Variants in EPHA3 observed in about 807,000 individuals in gnomAD.
EPHA3 encodes the protein ephrin type-A receptor 3.
Under a neutral mutation model 107.1 loss-of-function variants are expected in EPHA3, and 42 were observed. The ratio of observed to expected loss-of-function variants is 0.39; its 90% confidence interval spans 0.31 to 0.51. The LOEUF (loss-of-function observed/expected upper bound fraction) is 0.51. Ranked by LOEUF, EPHA3 falls within the 20% of genes least tolerant of loss-of-function variation. EPHA3 has a pLI of 0.78. For synonymous variants in EPHA3, 461 were observed against 424.8 expected (o/e 1.09, Z -1.05); for missense variants, 1,183 against 1,211.2 (o/e 0.98, Z 0.35).
intron 7 of EPHA3, chr3:89,400,047 T>C: frequency 9.7e-7 from 1 of 1,033,486 alleles, no homozygotes; most frequent in Non-Finnish European, 1.2e-6. Context: ...CCAGTAACTT[T>C]TCTTTTTTTC....
intron 5 of EPHA3, among the ~76,000 whole-genome samples, chr3:89,367,782 C>G (rs1463763707): frequency 1.3e-5 from 2 of 150,624 alleles, no homozygotes; most frequent in East Asian, 1.9e-4. Flanking sequence ...TTTTTTAATT[C>G]TGCAAGACTC....
intron 5 of EPHA3, among the ~76,000 whole-genome samples, chr3:89,384,442 G>T (rs115319113): frequency 0.016 from 2,448 of 152,212 alleles, 69 homozygotes; most frequent in African/African-American, 0.055. Context: ...TTGCAAAATT[G>T]TTTTTCGCTC....
intron 5 of EPHA3, among the ~76,000 whole-genome samples, chr3:89,364,237 C>A (rs561896054): frequency 1.3e-5 from 2 of 150,780 alleles, no homozygotes; most frequent in Admixed American, 6.7e-5. Context: ...TGTTAATCAT[C>A]TTTGGGTACT....
At chr3:89,364,522 C>A (rs1398649927) in intron 5 of EPHA3, among the ~76,000 whole-genome samples, 3 of 151,172 alleles carry the variant, frequency 2.0e-5, no homozygotes, top group Non-Finnish European at 4.4e-5. Flanking sequence ...ATAGCTCCTT[C>A]ACATTACAGT....
intron 2 of EPHA3, among the ~76,000 whole-genome samples, chr3:89,161,033 A>G (rs1189780724): frequency 6.6e-6 from 1 of 152,206 alleles, no homozygotes; most frequent in African/African-American, 2.4e-5. Context: ...TAAGTCCACT[A>G]GAAGGATGTT....
chr3:89,211,728 CTT>C (rs1559602859), intron 3 of EPHA3, among the ~76,000 whole-genome samples: 11 of 9,976 alleles, frequency 1.1e-3, no homozygotes, highest in South Asian at 0.012. Flanking sequence ...TCTTCTTTTT[CTT>C]CTTCTTCTTC....
chr3:89,432,838 T>C (rs1487067748), intron 13 of EPHA3, among the ~76,000 whole-genome samples: 3 of 152,146 alleles, frequency 2.0e-5, no homozygotes, highest in Non-Finnish European at 4.4e-5. Flanking sequence ...GGCACTTTAC[T>C]TATATATAAA....
At chr3:89,280,818 A>G (rs1705928690) in intron 3 of EPHA3, among the ~76,000 whole-genome samples, 1 of 152,008 alleles carries the variant, frequency 6.6e-6, no homozygotes, top group Non-Finnish European at 1.5e-5. Context: ...ATTTTGAGTT[A>G]TTTTCCAAGA....
intron 5 of EPHA3, among the ~76,000 whole-genome samples, chr3:89,386,215 C>T (rs1315244042): frequency 1.3e-5 from 2 of 152,060 alleles, no homozygotes; most frequent in Admixed American, 1.3e-4. Flanking sequence ...AATAAGGAGC[C>T]AAATATTAAT....
intron 2 of EPHA3, among the ~76,000 whole-genome samples, chr3:89,196,762 G>A (rs559616814): frequency 3.9e-5 from 6 of 152,188 alleles, no homozygotes; most frequent in Admixed American, 3.3e-4. Flanking sequence ...CCTCCTGACT[G>A]CTAATTTTTT....
chr3:89,475,856 A>G (rs772971950), intron 16 of EPHA3, among the ~76,000 whole-genome samples: 2 of 152,108 alleles, frequency 1.3e-5, no homozygotes, highest in African/African-American at 2.4e-5. Context: ...TCTGAACAGG[A>G]CAGTCAAAAT....
intron 2 of EPHA3, among the ~76,000 whole-genome samples, chr3:89,185,221 T>G (rs1174541266): frequency 1.3e-5 from 2 of 152,024 alleles, no homozygotes; most frequent in Admixed American, 1.3e-4. Context: ...GCTTTTCTCC[T>G]TGTCAAACAT....
chr3:89,371,755 A>G, intron 5 of EPHA3, among the ~76,000 whole-genome samples: 1 of 151,612 alleles, frequency 6.6e-6, no homozygotes, highest in East Asian at 1.9e-4. Flanking sequence ...ACACACACAC[A>G]TATGTGTATG....
intron 3 of EPHA3, among the ~76,000 whole-genome samples, chr3:89,224,476 A>G (rs533724938): frequency 6.6e-6 from 1 of 152,304 alleles, no homozygotes; most frequent in Non-Finnish European, 1.5e-5. Context: ...TAAGAAGGTA[A>G]CTGTTTTTAT....
chr3:89,194,682 T>C (rs1262308938), intron 2 of EPHA3, among the ~76,000 whole-genome samples: 1 of 152,060 alleles, frequency 6.6e-6, no homozygotes, highest in Non-Finnish European at 1.5e-5. Context: ...AATACATGTA[T>C]TTTTTATAGT....
At chr3:89,278,180 C>T (rs532739974) in intron 3 of EPHA3, among the ~76,000 whole-genome samples, 1 of 152,074 alleles carries the variant, frequency 6.6e-6, no homozygotes, top group South Asian at 2.1e-4. Flanking sequence ...ATATTTCCTG[C>T]TTTACTTTTC....
At chr3:89,285,544 A>G (rs1384924932) in intron 3 of EPHA3, among the ~76,000 whole-genome samples, 2 of 152,244 alleles carry the variant, frequency 1.3e-5, no homozygotes, top group African/African-American at 4.8e-5. Context: ...GACCCTACTA[A>G]AAAGGTGACA....
intron 5 of EPHA3, among the ~76,000 whole-genome samples, chr3:89,345,142 T>C (rs1338421319): frequency 6.6e-6 from 1 of 151,284 alleles, no homozygotes; most frequent in Non-Finnish European, 1.5e-5. Context: ...ACTGCCATTA[T>C]AGAATCTGCC....
intron 3 of EPHA3, among the ~76,000 whole-genome samples, chr3:89,314,825 A>G (rs1706855779): frequency 6.6e-6 from 1 of 152,040 alleles, no homozygotes; most frequent in South Asian, 2.1e-4. Flanking sequence ...ATATGCAGTT[A>G]TGCGTTACTT....
Sources: allele counts gnomAD v4.1 joint callset (sites outside exome capture counted in the v4.1 genomes callset), GRCh38; gene constraint gnomAD v4.1.1; transcripts MANE v1.5; gene names NCBI Gene and HGNC (gene_info 2026-07-23, HGNC 2026-07-21).